IMPG1: variants seen among roughly 807,000 people sequenced by gnomAD.
IMPG1 encodes the protein interphotoreceptor matrix proteoglycan 1.
IMPG1 carries 85 observed loss-of-function variants against 92.0 expected under a neutral mutation model. That is an observed-to-expected ratio of 0.92 (90% CI 0.78 to 1.11). IMPG1 has a LOEUF of 1.11. Ranked by LOEUF, IMPG1 falls within the 50% of genes least tolerant of loss-of-function variation. The pLI is 0.00. For synonymous variants in IMPG1, 367 were observed against 334.1 expected, an observed-to-expected ratio of 1.10 and a Z score of -1.08; for missense variants, 1,022 against 956.0, an observed-to-expected ratio of 1.07 and a Z score of -0.91.
chr6:75,938,695 A>C (rs7754385), intron 14 of IMPG1, among the ~76,000 whole-genome samples: 146,336 of 152,124 alleles, frequency 0.96, 70,605 homozygotes, highest in East Asian at 1. Context: ...CCCCTGTGAT[A>C]CCAACTGCTT....
At chr6:76,015,800 C>CAAAAAAAAAAA (rs35389302) in intron 7 of IMPG1, among the ~76,000 whole-genome samples, 55 of 66,676 alleles carry the variant, frequency 8.2e-4, no homozygotes, top group East Asian at 1.7e-3. Context: ...AACTCTGTCT[C>CAAAAAAAAAAA]AAAAAAAAAA....
chr6:75,983,786 A>C (rs1782668152), intron 12 of IMPG1, among the ~76,000 whole-genome samples: 3 of 152,316 alleles, frequency 2.0e-5, no homozygotes, highest in Admixed American at 2.0e-4. Context: ...AGATAAACCT[A>C]AGAAATGGGA....
intron 12 of IMPG1, among the ~76,000 whole-genome samples, chr6:75,993,788 A>G (rs1408676657): frequency 6.6e-6 from 1 of 152,210 alleles, no homozygotes; most frequent in Non-Finnish European, 1.5e-5. Flanking sequence ...CTTAATTTTG[A>G]AAAGCATTTA....
At chr6:75,974,335 C>CTT in intron 12 of IMPG1, among the ~76,000 whole-genome samples, 2 of 41,026 alleles carry the variant, frequency 4.9e-5, no homozygotes, top group Admixed American at 5.5e-4. Flanking sequence ...CTTTCCCTTT[C>CTT]TTTCTTTCTT....
intron 12 of IMPG1, among the ~76,000 whole-genome samples, chr6:76,000,931 C>G (rs1203425370): frequency 6.6e-6 from 1 of 152,156 alleles, no homozygotes; most frequent in African/African-American, 2.4e-5. Context: ...AAGGATGGAG[C>G]TACTTAAGCC....
At chr6:76,037,915 G>A (rs1234778445) in intron 2 of IMPG1, among the ~76,000 whole-genome samples, 2 of 152,178 alleles carry the variant, frequency 1.3e-5, no homozygotes, top group Non-Finnish European at 2.9e-5. Flanking sequence ...TGAGTGTGTT[G>A]CTTTTGGTCT....
intron 12 of IMPG1, among the ~76,000 whole-genome samples, chr6:75,969,587 C>A (rs1285594343): frequency 6.6e-6 from 1 of 151,866 alleles, no homozygotes; most frequent in Non-Finnish European, 1.5e-5. Context: ...ACTAAAAATA[C>A]AAAATTAGCT....
intron 12 of IMPG1, among the ~76,000 whole-genome samples, chr6:75,994,093 A>G (rs1782859203): frequency 6.6e-6 from 1 of 152,240 alleles, no homozygotes; most frequent in Non-Finnish European, 1.5e-5. Context: ...GCAGTGTGTT[A>G]GGGTCCACTT....
chr6:75,969,916 A>G (rs1782376363), intron 12 of IMPG1, among the ~76,000 whole-genome samples: 1 of 152,118 alleles, frequency 6.6e-6, no homozygotes, highest in African/African-American at 2.4e-5. Flanking sequence ...CATCTGGAGT[A>G]AAACTAAAAC....
chr6:75,924,713 A>ATATGATATATCATATAATTATATT (rs1554226566), intron 15 of IMPG1, among the ~76,000 whole-genome samples: 1 of 9,448 alleles, frequency 1.1e-4, no homozygotes, highest in Non-Finnish European at 1.9e-4. Context: ...TATAATATAT[A>ATATGATATATCATATAATTATATT]ATATATAATA....
At chr6:76,020,850 G>A (rs1349330930) in intron 6 of IMPG1, among the ~76,000 whole-genome samples, 1 of 152,168 alleles carries the variant, frequency 6.6e-6, no homozygotes, top group African/African-American at 2.4e-5. Flanking sequence ...TTTCCAATCT[G>A]ACTCTGGCAT....
intron 7 of IMPG1, 110 bp from the exon 8 acceptor site, chr6:76,011,334 GA>G (rs1251597740): frequency 6.1e-6 from 3 of 492,836 alleles, no homozygotes. Context: ...GCTGAAAATG[GA>G]AAATGATTAT....
At chr6:75,974,645 T>C (rs1169155571) in intron 12 of IMPG1, among the ~76,000 whole-genome samples, 1 of 151,528 alleles carries the variant, frequency 6.6e-6, no homozygotes, top group Non-Finnish European at 1.5e-5. Flanking sequence ...TTTTACATTT[T>C]TGGTAGAGAT....
chr6:76,025,667 C>T (rs549607031), intron 4 of IMPG1, among the ~76,000 whole-genome samples: 55 of 152,222 alleles, frequency 3.6e-4, no homozygotes, highest in Non-Finnish European at 5.9e-4. Context: ...CCTGCATATC[C>T]AGAGTCATTA....
At chr6:76,047,914 A>T (rs1783973450) in intron 1 of IMPG1, among the ~76,000 whole-genome samples, 2 of 152,204 alleles carry the variant, frequency 1.3e-5, no homozygotes, top group Non-Finnish European at 2.9e-5. Flanking sequence ...AAAGGCAAAT[A>T]AAAATTCTTT....
chr6:76,049,805 A>G (rs1402628293), intron 1 of IMPG1, among the ~76,000 whole-genome samples: 1 of 152,224 alleles, frequency 6.6e-6, no homozygotes, highest in Non-Finnish European at 1.5e-5. Context: ...TTAGGGGGGC[A>G]TAAAGGAGGA....
Position 76,034,784 on chromosome 6 carries a change from C to T in IMPG1, c.305G>A (p.Cys102Tyr), listed in dbSNP as rs1232398776. 36 of 1,613,790 alleles carry T rather than the reference C, an allele frequency of 2.2e-5. No homozygotes were observed. The highest frequency in any genetic ancestry group is 3.1e-5 in the Non-Finnish European group (36 of 1,179,870). ...SLQAYYRLRV[C>Y]QEAVWEAYRI... ...ATATGCTTCCCATACTGCTTCCTGA[C>T]ACACTGTAATACAGAGTCATTAATG... Residue 102 changes from cysteine to tyrosine, a missense_variant, in exon 3 of 17, where the codon TGT (cysteine) becomes TAT (tyrosine). Transcript: ENST00000369950.
chr6:75,923,544 C>G, intron 16 of IMPG1, 90 bp downstream of exon 16: 1 of 697,604 alleles, frequency 1.4e-6, no homozygotes, highest in South Asian at 1.6e-5. Flanking sequence ...TTGCTTATCT[C>G]TATTTAAAAT....
chr6:76,021,026 T>A (rs983637472), intron 6 of IMPG1, among the ~76,000 whole-genome samples: 3 of 152,180 alleles, frequency 2.0e-5, no homozygotes, highest in Non-Finnish European at 4.4e-5. Flanking sequence ...GCCCTCCAAA[T>A]CCTGAAGAGA....
Sources: allele counts gnomAD v4.1 joint callset (sites outside exome capture counted in the v4.1 genomes callset), GRCh38; gene constraint gnomAD v4.1.1; transcripts MANE v1.5; gene names NCBI Gene and HGNC (gene_info 2026-07-23, HGNC 2026-07-21).